MFSD1: variants seen among roughly 807,000 people sequenced by gnomAD.
MFSD1 encodes the protein major facilitator superfamily domain containing 1.
MFSD1 carries 59 observed loss-of-function variants against 67.1 expected under a neutral mutation model. The observed-to-expected ratio is 0.88, with a 90% CI of 0.71 to 1.09. The LOEUF (loss-of-function observed/expected upper bound fraction) is 1.09. Among genes scored for constraint, MFSD1 ranks in the 50% least tolerant of loss-of-function variants. MFSD1 has a pLI of 0.00. For synonymous variants in MFSD1, 213 were observed against 200.3 expected, an observed-to-expected ratio of 1.06 and a Z score of -0.54; for missense variants, 552 against 566.1, an observed-to-expected ratio of 0.97 and a Z score of 0.25.
chr3:158,822,016 C>T lies in MFSD1; in HGVS notation c.953C>T (p.Pro318Leu), dbSNP rs758585554. The change falls in exon 11 of 16, where the codon CCG becomes CTG. Residue 318 changes from proline to leucine, a missense_variant. Physicochemically the swap from Pro to Leu is moderately conservative, Grantham distance 98. Coordinates refer to ENST00000415822, the MANE Select transcript of MFSD1 (RefSeq NM_022736.4). The part of the protein sequence containing the change: ...VVYVISAPMS[P>L]VFGLLVDKTG... ...TATGTCATATCAGCTCCCATGTCCC[C>T]GGTGTTTGGGCTCCTGGTGGATAAA... is the stretch of plus-strand genomic sequence containing the variant. 24 of 1,613,780 alleles carry T rather than the reference C, an allele frequency of 1.5e-5. No homozygotes were observed. The highest frequency in any genetic ancestry group is 1.0e-4 in the Admixed American group (6 of 59,974).
Position 158,829,043 on chromosome 3 carries a change from A to T in MFSD1, c.*61A>T. 1.3e-6 allele frequency: 2 copies of T among 1,508,636 alleles called. No homozygotes were observed. Among genetic ancestry groups the T allele is most frequent in the Non-Finnish European group, 1.8e-6 (2 of 1,116,234 alleles). 93.5% of individuals were successfully genotyped at this position (1,508,636 alleles called of 1,614,324 possible). ...ACACATCGTTGGTTTGAAAACTTCC[A>T]TTTTTAAAAATTTAGAGTTTAGTCA... On this transcript the variant is annotated 3_prime_UTR_variant, in exon 16 of 16. Transcript: ENST00000415822.
At chr3:158,818,314 A>G (rs1730484442) in intron 7 of MFSD1, among the ~76,000 whole-genome samples, 2 of 152,200 alleles carry the variant, frequency 1.3e-5, no homozygotes, top group African/African-American at 4.8e-5. Flanking sequence ...CAGAGTATGT[A>G]GCATATCCAT....
At chr3:158,819,361 C>T (rs1399800806) in intron 7 of MFSD1, among the ~76,000 whole-genome samples, 1 of 152,202 alleles carries the variant, frequency 6.6e-6, no homozygotes, top group East Asian at 1.9e-4. Flanking sequence ...TTTCTTCAGT[C>T]TGTATTCTGC....
intron 13 of MFSD1, 108 bp downstream of exon 13, chr3:158,824,344 A>G (rs1051547063): frequency 4.0e-6 from 3 of 757,396 alleles, no homozygotes; most frequent in Admixed American, 4.9e-5. Flanking sequence ...CCTGTGAATT[A>G]GAATTTCATA....
intron 7 of MFSD1, among the ~76,000 whole-genome samples, chr3:158,819,059 GA>G (rs1185737544): frequency 5.3e-5 from 8 of 152,198 alleles, no homozygotes; most frequent in Admixed American, 1.3e-4. Flanking sequence ...TTCTTCCTGA[GA>G]AGTGTATCGT....
rs1405876004 is a variant in MFSD1 at position 158,820,196 on chromosome 3, C to T, written c.752-19C>T. 1.2e-5 allele frequency: 17 copies of T among 1,394,826 alleles called. No homozygotes were observed. In the Middle Eastern group the frequency reaches 7.1e-4, roughly 58 times the overall value. 86.4% of individuals were successfully genotyped at this position (1,394,826 alleles called of 1,614,324 possible). A position where few individuals can be genotyped will look rare whatever the true frequency, so the allele number is the denominator to read the frequency against. On this transcript the variant is annotated intron_variant, in intron 8 of 15. Coordinates refer to ENST00000415822, the MANE Select transcript of MFSD1 (RefSeq NM_022736.4). ...GTATGCAAAATTATGCTGATAGTGT[C>T]TTCCCTTTCTTCTCTAAGGTGAAGT...
At chr3:158,821,905 T>C in intron 10 of MFSD1, 79 bp from the exon 11 acceptor site, 1 of 1,456,694 alleles carries the variant, frequency 6.9e-7, no homozygotes, top group Non-Finnish European at 9.5e-7. Context: ...TTGCTTTGCC[T>C]GATATTTTCA....
intron 14 of MFSD1, 92 bp downstream of exon 14, chr3:158,826,154 TC>T: frequency 1.1e-6 from 1 of 920,510 alleles, no homozygotes; most frequent in Non-Finnish European, 1.8e-6. Context: ...AGTGCTTTAT[TC>T]CATGCAGTAA....
At position 158,809,212 on chromosome 3, in the gene MFSD1, T is replaced by A. The variant is rs1340055767; in HGVS notation, c.474T>A (p.Asn158Lys). ...IGGESLAVAQ[N>K]TYAVSWFKGK... is the part of the protein sequence containing the mutation. ...GCGAGTCCTTAGCAGTTGCCCAGAA[T>A]ACATATGCTGTGAGCTGGTTTAAAG... The change falls in exon 6 of 16, where the codon AAT (asparagine) becomes AAA (lysine). Residue 158 changes from asparagine (N) to lysine (K), a missense_variant. Transcript: ENST00000415822. 1 of 1,597,952 alleles carries A rather than the reference T, an allele frequency of 6.3e-7. No individual in the cohort carries two copies. The highest frequency in any genetic ancestry group is 1.1e-5 in the South Asian group (1 of 88,882).
intron 6 of MFSD1, among the ~76,000 whole-genome samples, chr3:158,812,207 A>G (rs1428241847): frequency 6.6e-6 from 1 of 152,194 alleles, no homozygotes. Context: ...CAGGCAATAG[A>G]AAAATCATGG....
chr3:158,824,103 T>C (rs759324671), intron 12 of MFSD1, 21 bp from the exon 13 acceptor site: 1 of 1,555,748 alleles, frequency 6.4e-7, no homozygotes, highest in Non-Finnish European at 8.8e-7. Flanking sequence ...GAAATGTGTC[T>C]TTATATTTCT....
At chr3:158,823,556 C>G in intron 12 of MFSD1, 31 bp downstream of exon 12, 1 of 1,366,716 alleles carries the variant, frequency 7.3e-7, no homozygotes, top group Non-Finnish European at 1.0e-6. Flanking sequence ...TCGTATATGT[C>G]TGTCTCTGCT....
intron 2 of MFSD1, 127 bp downstream of exon 2, chr3:158,804,498 C>T: frequency 1.6e-6 from 1 of 627,230 alleles, no homozygotes; most frequent in Admixed American, 3.4e-5. Context: ...TCTGTAGTCA[C>T]CAAATCCACA....
At chr3:158,826,176 T>G in intron 14 of MFSD1, 114 bp downstream of exon 14, 1 of 702,238 alleles carries the variant, frequency 1.4e-6, no homozygotes, top group Non-Finnish European at 2.5e-6. Flanking sequence ...TGACTTTCTG[T>G]TCATAATGAT....
At chr3:158,803,719 G>A (rs1729572912) in intron 1 of MFSD1, among the ~76,000 whole-genome samples, 1 of 152,088 alleles carries the variant, frequency 6.6e-6, no homozygotes, top group Non-Finnish European at 1.5e-5. Flanking sequence ...CGAGTGCATG[G>A]TCAGATCTCT....
chr3:158,819,323 A>T (rs1730546233), intron 7 of MFSD1, among the ~76,000 whole-genome samples: 1 of 152,248 alleles, frequency 6.6e-6, no homozygotes, highest in Admixed American at 6.5e-5. Flanking sequence ...TGAAGAAATG[A>T]GGACTACATC....
At chr3:158,806,595 T>C (rs900007753) in intron 3 of MFSD1, among the ~76,000 whole-genome samples, 2 of 152,188 alleles carry the variant, frequency 1.3e-5, no homozygotes, top group East Asian at 1.9e-4. Flanking sequence ...TTTTAAAAAT[T>C]GGTTTTAGTT....
intron 13 of MFSD1, 190 bp downstream of exon 13, chr3:158,824,426 T>C (rs1730849212): frequency 5.4e-6 from 3 of 559,308 alleles, no homozygotes; most frequent in Non-Finnish European, 9.5e-6. Flanking sequence ...AAGGCAGTGA[T>C]TGAGTTGGTT....
At chr3:158,814,378 T>C (rs1730206158) in intron 7 of MFSD1, among the ~76,000 whole-genome samples, 1 of 152,166 alleles carries the variant, frequency 6.6e-6, no homozygotes, top group African/African-American at 2.4e-5. Context: ...TGGAGTTCAG[T>C]GGCGCGATCT....
Sources: allele counts gnomAD v4.1 joint callset (sites outside exome capture counted in the v4.1 genomes callset), GRCh38; gene constraint gnomAD v4.1.1; transcripts MANE v1.5; gene names NCBI Gene and HGNC (gene_info 2026-07-23, HGNC 2026-07-21).